FAM209A: variants seen among roughly 807,000 people sequenced by gnomAD.
FAM209A encodes the protein protein FAM209A.
A neutral mutation model predicts 9.8 loss-of-function variants in FAM209A; 4 were observed. That is an observed-to-expected ratio of 0.41 (90% CI 0.20 to 0.94). The LOEUF is 0.94. FAM209A is among the 40% of genes least tolerant of loss of function. The pLI, the probability that FAM209A is intolerant of heterozygous loss-of-function variation, is 0.32. For synonymous variants in FAM209A, 55 were observed against 77.8 expected, an observed-to-expected ratio of 0.71 and a Z score of 1.54; for missense variants, 205 against 209.4, an observed-to-expected ratio of 0.98 and a Z score of 0.13.
In FAM209A at chr20:56,524,953, C is replaced by T. The variant is rs1243277837; in HGVS notation, c.145C>T (p.Pro49Ser). 2 of 1,614,194 alleles carry T rather than the reference C, an allele frequency of 1.2e-6. No homozygotes were observed. Among genetic ancestry groups the T allele is most frequent in the East Asian group, 2.2e-5 (1 of 44,882 alleles). Residue 49 changes from proline to serine, a missense_variant, in exon 1 of 2, where the codon CCA (proline) becomes TCA (serine). Transcript: ENST00000371328. ...GEHFRIRQNL[P>S]EHTQGWLGSK... ...GCACTTTCGGATTCGGCAGAATCTA[C>T]CAGAGCACACCCAAGGCTGGCTTGG...
At chr20:56,527,726 CAG>C (rs1226019579), downstream of FAM209A, among the ~76,000 whole-genome samples, 2 of 152,326 alleles carry the variant, frequency 1.3e-5, no homozygotes, top group East Asian at 3.9e-4. Context: ...CCTGGGGCCT[CAG>C]GGGAAGGAGG....
chr20:56,533,519 T>C, the FAM209A span: 2 of 1,614,162 alleles, frequency 1.2e-6, no homozygotes, highest in Non-Finnish European at 1.7e-6. Context: ...TGGGAGCAAA[T>C]GGCTCTGGCT....
In FAM209A at chr20:56,525,837, C is replaced by G; in HGVS notation, c.283C>G (p.Leu95Val). The G allele has an allele frequency of 6.2e-7, 1 of 1,614,162 alleles. No individual in the cohort carries two copies. The highest frequency in any genetic ancestry group is 1.3e-5 in the African/African-American group (1 of 75,032). ...QSPPGLRGGQ[L>V]HSPLKKKRNA... is the part of the protein sequence containing the mutation. The stretch of plus-strand genomic sequence containing the variant: ...TCCTCCTGGCCTTCGAGGCGGCCAA[C>G]TTCACTCTCCATTAAAGAAAAAAAG... Residue 95 changes from leucine (L) to valine (V), a missense_variant, in exon 2 of 2, where the codon CTT (leucine) becomes GTT (valine). Leu to Val is a conservative substitution (Grantham distance 32). Transcript: ENST00000371328.
the FAM209A span, chr20:56,533,299 G>A: frequency 1.9e-5 from 31 of 1,606,460 alleles, no homozygotes; most frequent in Non-Finnish European, 2.6e-5. Flanking sequence ...GCGAGGGCAA[G>A]CAAACCCGTC....
chr20:56,532,808 G>A, the FAM209A span, among the ~76,000 whole-genome samples: 3 of 152,056 alleles, frequency 2.0e-5, no homozygotes, highest in East Asian at 1.9e-4. Context: ...AAAGGAAGCC[G>A]GAAACCTGGA....
downstream of FAM209A, among the ~76,000 whole-genome samples, chr20:56,528,274 C>A (rs925692418): frequency 2.0e-5 from 3 of 151,382 alleles, no homozygotes; most frequent in Admixed American, 6.6e-5. Flanking sequence ...TGGCGTGAGA[C>A]CCTGTCTTCA....
intron 1 of FAM209A, 139 bp from the exon 2 acceptor site, chr20:56,525,665 C>T (rs751865867): frequency 9.9e-5 from 83 of 841,746 alleles, no homozygotes; most frequent in Non-Finnish European, 1.4e-4. Context: ...CCGTAAAGGG[C>T]CAGGGAGGGT....
chr20:56,533,083 G>C, the FAM209A span: 87 of 878,752 alleles, frequency 9.9e-5, no homozygotes, highest in African/African-American at 1.5e-3. Context: ...GAGTCCCCTG[G>C]CAGGGAATTG....
At chr20:56,526,185 T>G, downstream of FAM209A, 1 of 1,435,720 alleles carries the variant, frequency 7.0e-7, no homozygotes, top group Non-Finnish European at 9.2e-7. Context: ...TCTTTTCTTT[T>G]TTTCACTAGA....
intron 1 of FAM209A, among the ~76,000 whole-genome samples, chr20:56,525,385 A>G (rs536157180): frequency 6.6e-4 from 100 of 152,344 alleles, no homozygotes; most frequent in African/African-American, 2.1e-3. Context: ...GGCCAGATTC[A>G]CTAGCCCCTG....
At chr20:56,526,481 A>G (rs1985536191), downstream of FAM209A, among the ~76,000 whole-genome samples, 1 of 152,136 alleles carries the variant, frequency 6.6e-6, no homozygotes, top group Non-Finnish European at 1.5e-5. Context: ...GACAGCATTA[A>G]TGATAGTTTT....
rs139125762 is a variant in FAM209A at position 56,524,973 on chromosome 20, G to T, written c.165G>T (p.Trp55Cys). 2.9e-4 allele frequency: 475 copies of T among 1,614,100 alleles called. 3 individuals are homozygous for T. The highest frequency in any genetic ancestry group is 4.0e-5 in the African/African-American group (3 of 74,928). ...RQNLPEHTQG[W>C]LGSKWLWLLF... is the part of the protein sequence containing the mutation. ...ATCTACCAGAGCACACCCAAGGCTG[G>T]CTTGGGAGCAAATGGCTCTGGCTTC... The change falls in exon 1 of 2, where the codon TGG (tryptophan) becomes TGT (cysteine). Residue 55 changes from tryptophan (W) to cysteine (C), a missense_variant. Physicochemically the swap from Trp to Cys is radical, Grantham distance 215 (BLOSUM62 -2). Transcript: ENST00000371328.
rs559971875 is a variant in FAM209A at position 56,524,758 on chromosome 20, G to A, written c.-51G>A. The A allele has an allele frequency of 9.3e-6, 15 of 1,604,324 alleles. No individual in the cohort carries two copies. In the East Asian group the frequency reaches 1.3e-4, roughly 14 times the overall value. ...ACCAGGTGCCCAGTCTCCCAGTTGC[G>A]AGGGCAAGCAAACCCGTCATGAGCA... On this transcript the variant is annotated 5_prime_UTR_variant, in exon 1 of 2. Coordinates refer to ENST00000371328, the MANE Select transcript of FAM209A (RefSeq NM_001012971.4).
downstream of FAM209A, among the ~76,000 whole-genome samples, chr20:56,526,818 G>A (rs1985548444): frequency 1.3e-5 from 2 of 152,098 alleles, no homozygotes; most frequent in African/African-American, 2.4e-5. Context: ...TGTAATCTTA[G>A]CCCATTGGGA....
At chr20:56,527,573 C>A (rs1191879694), downstream of FAM209A, among the ~76,000 whole-genome samples, 4 of 152,230 alleles carry the variant, frequency 2.6e-5, no homozygotes, top group African/African-American at 9.6e-5. Context: ...GGGCCGGTAC[C>A]CAGTTGACCA....
downstream of FAM209A, among the ~76,000 whole-genome samples, chr20:56,531,124 A>C (rs2146399832): frequency 6.6e-6 from 1 of 151,980 alleles, no homozygotes; most frequent in African/African-American, 2.4e-5. Context: ...GTTCCTTCTC[A>C]CTTGGGGGAT....
the FAM209A span, chr20:56,533,359 G>A: frequency 6.2e-3 from 10,055 of 1,614,028 alleles, 48 homozygotes; most frequent in Non-Finnish European, 8.0e-3. Flanking sequence ...CGCTGAAATC[G>A]TCCCTGGTCC....
At chr20:56,529,075 G>A (rs1276861977), downstream of FAM209A, among the ~76,000 whole-genome samples, 1 of 151,868 alleles carries the variant, frequency 6.6e-6, no homozygotes, top group Non-Finnish European at 1.5e-5. Flanking sequence ...GGGTGCAGTG[G>A]TGCCTGCCTG....
the FAM209A span, chr20:56,533,244 G>A: frequency 3.9e-5 from 61 of 1,573,570 alleles, no homozygotes; most frequent in Middle Eastern, 8.7e-4. Context: ...CAGGGCCTCT[G>A]TGACATCACC....
Sources: gnomAD v4.1 joint callset for allele counts (sites outside exome capture counted in the v4.1 genomes callset) on GRCh38, gnomAD v4.1.1 for gene constraint, MANE v1.5 for transcripts, NCBI Gene and HGNC (gene_info 2026-07-23, HGNC 2026-07-21) for gene names.